The following NPLOC4 variants were observed in gnomAD, a reference collection of about 807,000 sequenced individuals.
NPLOC4 encodes the protein NPL4 homolog, ubiquitin recognition factor, also known as nuclear protein localization protein 4 homolog.
Under a neutral mutation model 80.6 loss-of-function variants are expected in NPLOC4, and 18 were observed. The ratio of observed to expected loss-of-function variants is 0.22; its 90% CI spans 0.15 to 0.33. NPLOC4 has a LOEUF of 0.33. NPLOC4 is among the 10% of genes least tolerant of loss of function. The pLI, the probability that NPLOC4 is intolerant of heterozygous loss-of-function variation, is 1.00. For missense variants in NPLOC4, 540 were observed against 786.1 expected, an observed-to-expected ratio of 0.69 and a Z score of 3.74; for synonymous variants, 313 against 301.5, an observed-to-expected ratio of 1.04 and a Z score of -0.39.
intron 4 of NPLOC4, among the ~76,000 whole-genome samples, chr17:81,611,345 T>C (rs905745819): frequency 6.6e-6 from 1 of 151,748 alleles, no homozygotes; most frequent in African/African-American, 2.4e-5. Flanking sequence ...TAAAATAGTT[T>C]TTTTTTTGTT....
At chr17:81,608,864 C>G in intron 5 of NPLOC4, 42 bp from the exon 6 acceptor site, 1 of 1,488,842 alleles carries the variant, frequency 6.7e-7, no homozygotes. Flanking sequence ...TCACACGTGC[C>G]GGTCACTCCA....
intron 16 of NPLOC4, among the ~76,000 whole-genome samples, chr17:81,561,403 G>A (rs1446536970): frequency 6.6e-6 from 1 of 152,186 alleles, no homozygotes; most frequent in African/African-American, 2.4e-5. Flanking sequence ...CCCCATTGGT[G>A]CCTTTTCATG....
At chr17:81,631,458 T>C (rs1484424126) in intron 1 of NPLOC4, among the ~76,000 whole-genome samples, 13 of 60,408 alleles carry the variant, frequency 2.2e-4, no homozygotes, top group African/African-American at 7.4e-4. Context: ...TTTTTTTTTT[T>C]TTTTCCCCCA....
chr17:81,585,170 C>CAAAAAAAAAAAAAAAAAAAAAAAAAAAA lies in NPLOC4; in HGVS notation c.1281+3773_1281+3774insTTTTTTTTTTTTTTTTTTTTTTTTTTTT, dbSNP rs35473939. 4.9e-5 allele frequency among the ~76,000 whole-genome samples: 2 copies of CAAAAAAAAAAAAAAAAAAAAAAAAAAAA among 40,872 alleles called. 1 individual carries two copies. The highest frequency in any genetic ancestry group is 2.6e-4 in the African/African-American group (2 of 7,622). 26.8% of individuals were successfully genotyped at this position (40,872 alleles called of 152,430 possible). A position where few individuals can be genotyped will look rare whatever the true frequency, so the allele number is the denominator to read the frequency against. On this transcript the variant is annotated intron_variant, in intron 12 of 16. Coordinates refer to ENST00000331134, the MANE Select transcript of NPLOC4 (RefSeq NM_017921.4). ...GGGCGACAGAACGAGACTCTGTCGC[C>CAAAAAAAAAAAAAAAAAAAAAAAAAAAA]AAAAAAAAAAAAAAAAAAAAAAAAA...
In NPLOC4 at chr17:81,565,627, A is replaced by T; in HGVS notation, c.1567-20T>A. ...GCTGTCCTACAAGAAGCCAAAAGGA[A>T]GGTTCCTCTTCGCTGTGCCTAAGGT... On this transcript the variant is annotated intron_variant, in intron 15 of 16. Transcript: ENST00000331134. 1 of 1,529,758 alleles carries T rather than the reference A, an allele frequency of 6.5e-7. No individual in the cohort carries two copies. The highest frequency in any genetic ancestry group is 1.2e-5 in the South Asian group (1 of 81,524). 94.8% of individuals were successfully genotyped at this position (1,529,758 alleles called of 1,614,324 possible).
intron 2 of NPLOC4, among the ~76,000 whole-genome samples, chr17:81,624,537 G>A (rs560493722): frequency 6.6e-6 from 1 of 152,118 alleles, no homozygotes; most frequent in African/African-American, 2.4e-5. Flanking sequence ...AGGCGGAGCT[G>A]CAGTGAGATG....
chr17:81,615,988 G>C (rs920867007), intron 3 of NPLOC4, among the ~76,000 whole-genome samples: 5 of 152,152 alleles, frequency 3.3e-5, no homozygotes, highest in Non-Finnish European at 1.5e-5. Context: ...ACACCCCCCT[G>C]TGCCAACAAA....
chr17:81,616,330 A>C (rs1269826122), intron 3 of NPLOC4, among the ~76,000 whole-genome samples: 1 of 137,618 alleles, frequency 7.3e-6, no homozygotes, highest in Non-Finnish European at 1.6e-5. Flanking sequence ...CAAAAAAAAA[A>C]AAAAAAAAGA....
chr17:81,562,683 T>C (rs558953633), intron 16 of NPLOC4: 9 of 152,266 alleles, frequency 5.9e-5, no homozygotes, highest in African/African-American at 2.2e-4. Flanking sequence ...ACATGGTGGC[T>C]TACCACTGCA....
intron 13 of NPLOC4, among the ~76,000 whole-genome samples, chr17:81,571,279 C>T (rs1106361): frequency 0.01 from 1,586 of 152,324 alleles, 15 homozygotes; most frequent in Admixed American, 0.014. Context: ...GCCTCCCGTC[C>T]GCTTTGGACA....
intron 3 of NPLOC4, among the ~76,000 whole-genome samples, chr17:81,618,414 C>T (rs1360931715): frequency 2.8e-4 from 42 of 148,254 alleles, no homozygotes; most frequent in African/African-American, 8.5e-4. Flanking sequence ...GGAGCCCCTC[C>T]GCCCCGCAGC....
chr17:81,598,632 C>T (rs2034984099), intron 9 of NPLOC4, among the ~76,000 whole-genome samples: 2 of 152,216 alleles, frequency 1.3e-5, no homozygotes, highest in African/African-American at 2.4e-5. Flanking sequence ...AACCCCTGCA[C>T]GTTCAGTGTA....
intron 16 of NPLOC4, among the ~76,000 whole-genome samples, chr17:81,560,359 G>C (rs1293234300): frequency 6.6e-6 from 1 of 151,782 alleles, no homozygotes; most frequent in Non-Finnish European, 1.5e-5. Context: ...CCTGCAGTGA[G>C]CCGAGACCCT....
At position 81,565,509 on chromosome 17, in the gene NPLOC4, C is replaced by G. The variant is rs1304450270; in HGVS notation, c.1665G>C (p.Leu555=). 6.5e-7 allele frequency: 1 copy of G among 1,548,820 alleles called. No homozygotes were observed. The highest frequency in any genetic ancestry group is 2.4e-5 in the East Asian group (1 of 41,146). ...GCAGGGGGTGGGGGTACTCACTGCA[C>G]AGCTGCTCGATGGTGGCCCACTGCT... is the stretch of plus-strand genomic sequence containing the variant. The part of the protein sequence containing the change: ...RSEQWATIEQ[L]CSTVGGQLPG... The change falls in exon 16 of 17, where the codon CTG becomes CTC. Residue 555 remains leucine, a synonymous_variant. Transcript: ENST00000331134.
chr17:81,610,375 T>C (rs2035309774), intron 4 of NPLOC4, 117 bp from the exon 5 acceptor site: 2 of 819,722 alleles, frequency 2.4e-6, no homozygotes, highest in African/African-American at 3.4e-5. Flanking sequence ...CGTGGAGTTA[T>C]ATTCCAGATG....
intron 12 of NPLOC4, among the ~76,000 whole-genome samples, chr17:81,576,107 A>G (rs2034292178): frequency 6.6e-6 from 1 of 152,236 alleles, no homozygotes. Context: ...ACATGAGGAG[A>G]CACAGATACC....
intron 3 of NPLOC4, among the ~76,000 whole-genome samples, chr17:81,618,780 A>C (rs1260283020): frequency 2.0e-5 from 3 of 152,140 alleles, no homozygotes; most frequent in Admixed American, 1.3e-4. Context: ...AAGGTGGGGA[A>C]AAGATTGAGA....
intron 3 of NPLOC4, among the ~76,000 whole-genome samples, chr17:81,615,393 T>C (rs2035454061): frequency 1.3e-5 from 2 of 151,948 alleles, no homozygotes; most frequent in East Asian, 1.9e-4. Context: ...AGCCACCACG[T>C]CCAGCCGAGA....
At chr17:81,604,322 T>G (rs987627542) in intron 8 of NPLOC4, among the ~76,000 whole-genome samples, 1 of 151,828 alleles carries the variant, frequency 6.6e-6, no homozygotes, top group Non-Finnish European at 1.5e-5. Flanking sequence ...TAGTGGCAAA[T>G]GTACCGGTTG....
Sources: allele counts gnomAD v4.1 joint callset (sites outside exome capture counted in the v4.1 genomes callset), GRCh38; gene constraint gnomAD v4.1.1; transcripts MANE v1.5; gene names NCBI Gene and HGNC (gene_info 2026-07-23, HGNC 2026-07-21).